EP400: variants seen among roughly 807,000 people sequenced by gnomAD.
EP400 encodes E1A binding protein p400, also known as E1A-binding protein p400.
In EP400, 105 loss-of-function variants were observed where a neutral mutation model predicts 354.1. The ratio of observed to expected loss-of-function variants is 0.30; its 90% confidence interval spans 0.25 to 0.35. The LOEUF (loss-of-function observed/expected upper bound fraction) is 0.35, where lower values mean the gene tolerates loss of function less well. Ranked by LOEUF, EP400 falls within the 10% of genes least tolerant of loss-of-function variation. The pLI, the probability that EP400 is intolerant of heterozygous loss-of-function variation, is 1.00. For synonymous variants in EP400, 1,646 were observed against 1,716.9 expected (o/e 0.96, Z 1.02); for missense variants, 3,280 against 4,121.0 (o/e 0.80, Z 5.59).
chr12:131,958,327 TG>T (rs1891771765), intron 1 of EP400, among the ~76,000 whole-genome samples: 1 of 152,214 alleles, frequency 6.6e-6, no homozygotes, highest in Non-Finnish European at 1.5e-5. Context: ...TCTGTGGCCT[TG>T]CTCTTCCCTT....
chr12:132,020,240 G>A (rs749656776), intron 22 of EP400, 22 bp downstream of exon 22: 76 of 1,573,460 alleles, frequency 4.8e-5, no homozygotes, highest in Non-Finnish European at 6.4e-5. Flanking sequence ...GTAGTTGTCT[G>A]CTCTCCGCCT....
intron 2 of EP400, among the ~76,000 whole-genome samples, chr12:131,966,651 C>T (rs1012728433): frequency 2.7e-5 from 4 of 150,846 alleles, no homozygotes; most frequent in Non-Finnish European, 4.4e-5. Context: ...TGCCTGTAAT[C>T]CCAGCACTTT....
intron 12 of EP400, among the ~76,000 whole-genome samples, chr12:131,998,876 A>G (rs982995549): frequency 6.3e-5 from 7 of 110,652 alleles, no homozygotes; most frequent in Non-Finnish European, 5.9e-5. Flanking sequence ...CTTGTATACA[A>G]AGACTTTGTA....
Position 132,044,301 on chromosome 12 carries a change from C to T in EP400, c.6575C>T (p.Ala2192Val), listed in dbSNP as rs1895012083. The change falls in exon 35 of 53, where the codon GCC becomes GTC. Residue 2192 changes from alanine to valine, a missense_variant. Physicochemically the swap from Ala to Val is moderately conservative, Grantham distance 64 (BLOSUM62 0). Transcript: ENST00000389561. ...CTCCTGACCTACACGCGAGAGGATG[C>T]CTACAGCATGGTACCCGGCCCGGGG... is the stretch of plus-strand genomic sequence containing the variant. The part of the protein sequence containing the change: ...AELLTYTRED[A>V]YSMEYVYEDV... 2 of 1,613,366 alleles carry T rather than the reference C, an allele frequency of 1.2e-6. No individual in the cohort carries two copies. Among genetic ancestry groups the T allele is most frequent in the African/African-American group, 2.7e-5 (2 of 74,928 alleles).
rs772703871 is a variant in EP400, at chr12:132,055,114, A to G, written c.7790A>G (p.Asn2597Ser). The G allele has an allele frequency of 9.3e-6, 15 of 1,613,710 alleles. 1 individual carries two copies. The South Asian group carries it at 1.2e-4, about 13-fold the overall frequency. The change falls in exon 45 of 53, where the codon AAT becomes AGT. Residue 2597 changes from asparagine to serine, a missense_variant. This residue lies in a region of EP400 where 255 missense variants were observed against 295.9 expected (regional missense o/e 0.86). Transcript: ENST00000389561. The stretch of plus-strand genomic sequence containing the variant: ...GTCTCCGCAGGTGCCGTGAGTGGAA[A>G]TGTGATCGTGAACACCATCGCAGGG... Reference protein sequence around the residue: ...TSMPTGAVSGNVIVNTIAGVP... With the variant: ...TSMPTGAVSGSVIVNTIAGVP...
Position 132,067,124 on chromosome 12 carries a change from T to G in EP400, c.8749+155T>G, listed in dbSNP as rs112752662. ...CTAGCACAAACGTGCCTTGGCGCTT[T>G]CCAGGCGCAAGGCTGGGTCCTCAAT... is the stretch of plus-strand genomic sequence containing the variant. On this transcript the variant is annotated intron_variant, in intron 49 of 52. Transcript: ENST00000389561. This position sits in a 1 kb window ranked among gnomAD's most constrained non-coding sequence, Gnocchi z 5.3. 2.6e-6 allele frequency: 3 copies of G among 1,167,016 alleles called. No individual in the cohort carries two copies. The highest frequency in any genetic ancestry group is 3.1e-5 in the African/African-American group (2 of 64,134). The allele number at this position is 1,167,016 out of a possible 1,614,324, so 72.3% of individuals were successfully genotyped here. A position where few individuals can be genotyped will look rare whatever the true frequency, so the allele number is the denominator to read the frequency against.
Position 131,989,982 on chromosome 12 carries a change from C to T in EP400, c.2428C>T (p.Arg810Cys), listed in dbSNP as rs773202917. ...AAKKLVRTVV[R>C]HHEEKQLREE... ...TCACCAGCTCGTTAGAACTGTGGTG[C>T]GCCATCACGAGGAGAAGCAGCTCCG... is the stretch of plus-strand genomic sequence containing the variant. Residue 810 changes from arginine (R) to cysteine (C), a missense_variant, in exon 8 of 53, where the codon CGC becomes TGC. Physicochemically the swap from Arg to Cys is radical, Grantham distance 180. This residue lies in a region of EP400 where 800 missense variants were observed against 840.0 expected (regional missense o/e 0.95). Coordinates refer to ENST00000389561, the MANE Select transcript of EP400 (RefSeq NM_015409.5). 7.4e-6 allele frequency: 12 copies of T among 1,613,760 alleles called. No individual in the cohort carries two copies. The highest frequency in any genetic ancestry group is 1.0e-5 in the Non-Finnish European group (12 of 1,179,932).
intron 30 of EP400, among the ~76,000 whole-genome samples, chr12:132,032,402 T>C (rs1894543693): frequency 6.6e-6 from 1 of 152,266 alleles, no homozygotes; most frequent in Admixed American, 6.5e-5. Flanking sequence ...CTTTTATTTA[T>C]ACTCAACATT....
In EP400 at chr12:131,990,580, C is replaced by T. The variant is rs187673273; in HGVS notation, c.2551-56C>T. The T allele has an allele frequency of 2.4e-5, 31 of 1,300,942 alleles. No individual in the cohort carries two copies. The highest frequency in any genetic ancestry group is 3.0e-5 in the Non-Finnish European group (27 of 914,924). 80.6% of individuals were successfully genotyped at this position (1,300,942 alleles called of 1,614,324 possible). ...GTGCTTTAGTGTTTTGTATGCAGAA[C>T]GTCTGTAATTCCCATCCTTAGTAAT... On this transcript the variant is annotated intron_variant, in intron 8 of 52. Transcript: ENST00000389561. This position sits in a 1 kb window ranked among gnomAD's most constrained non-coding sequence, Gnocchi z 4.2.
chr12:132,005,312 GTATCTT>G lies in EP400; in HGVS notation c.2935+132_2935+137del, dbSNP rs1326882248. The G allele has an allele frequency of 4.6e-5, 28 of 604,654 alleles. No individual in the cohort carries two copies. The Middle Eastern group carries it at 1.4e-3, about 31-fold the overall frequency. 37.5% of individuals were successfully genotyped at this position (604,654 alleles called of 1,614,324 possible). A position where few individuals can be genotyped will look rare whatever the true frequency, so the allele number is the denominator to read the frequency against. On this transcript the variant is annotated intron_variant, in intron 13 of 52. Transcript: ENST00000389561. ...ATAAAAAATTAGAAATATTTAATAA[GTATCTT>G]TATATTGAATAGAATTTTATTAAAT...
rs1895024198 is a variant in EP400 at position 132,044,667 on chromosome 12, A to G, written c.6586-4A>G. ...GAAGTCAGAGCTTGCCGTGTTCCCT[A>G]CAGGAGTATGTCTACGAAGATGTCG... On this transcript the variant is annotated splice_polypyrimidine_tract_variant and splice_region_variant and intron_variant, in intron 35 of 52. Transcript: ENST00000389561. 1.2e-6 allele frequency: 2 copies of G among 1,614,190 alleles called. No homozygotes were observed. The highest frequency in any genetic ancestry group is 1.7e-6 in the Non-Finnish European group (2 of 1,180,040).
At position 132,050,839 on chromosome 12, in the gene EP400, G is replaced by C; in HGVS notation, c.7394+184G>C. 1 of 674,296 alleles carries C rather than the reference G, an allele frequency of 1.5e-6. No homozygotes were observed. 41.8% of individuals were successfully genotyped at this position (674,296 alleles called of 1,614,324 possible). On this transcript the variant is annotated intron_variant, in intron 41 of 52. Transcript: ENST00000389561. This position sits in a 1 kb window ranked among gnomAD's most constrained non-coding sequence, Gnocchi z 4.8. ...CTGCCGTGGGCTAGGGTATGCATAG[G>C]ACGGCCCCTGCCCTGTCTCTGTGTT...
intron 1 of EP400, among the ~76,000 whole-genome samples, chr12:131,956,635 C>T (rs980960853): frequency 9.9e-5 from 15 of 152,060 alleles, no homozygotes; most frequent in African/African-American, 1.4e-4. Context: ...TCCTACAGGG[C>T]GTTTTTTGGG....
intron 5 of EP400, 99 bp from the exon 6 acceptor site, chr12:131,986,415 G>A (rs945543556): frequency 8.2e-7 from 1 of 1,214,582 alleles, no homozygotes. Flanking sequence ...GGTGCTGGCA[G>A]TGCGCGTCTC....
rs746859425 is a variant in EP400, at chr12:132,020,134, C to T, written c.4363C>T (p.Pro1455Ser). ...PSTHPPRTAA[P>S]TTASAAPQGP... Reference sequence around the variant, plus strand: ...CACTCACCCGCCCCGGACGGCAGCCCCCACCACGGCCTCTGCTGCTCCACA... The same window carrying T: ...CACTCACCCGCCCCGGACGGCAGCCTCCACCACGGCCTCTGCTGCTCCACA... Residue 1455 changes from proline (P) to serine (S), a missense_variant, in exon 22 of 53, where the codon CCC (proline) becomes TCC (serine). By Grantham distance (74) the Pro-to-Ser change is moderately conservative. Transcript: ENST00000389561. 4 of 1,611,944 alleles carry T rather than the reference C, an allele frequency of 2.5e-6. No individual in the cohort carries two copies. The highest frequency in any genetic ancestry group is 2.2e-5 in the South Asian group (2 of 90,434).
rs746796696 is a variant in EP400, at chr12:132,030,197, G to A, written c.5754+39G>A. The A allele has an allele frequency of 2.1e-5, 33 of 1,608,960 alleles. 1 individual carries two copies. The East Asian group carries it at 6.2e-4, about 30-fold the overall frequency. ...TGTTTACATTGTCTCTGATGGGTCA[G>A]TCACTGGTGTTGAATGCCTAAGTGC... is the stretch of plus-strand genomic sequence containing the variant. On this transcript the variant is annotated intron_variant, in intron 29 of 52. Transcript: ENST00000389561.
intron 30 of EP400, among the ~76,000 whole-genome samples, chr12:132,035,957 G>A (rs1259259502): frequency 7.7e-6 from 1 of 129,386 alleles, no homozygotes; most frequent in East Asian, 2.5e-4. Context: ...CACACACACA[G>A]CATCGTGGAA....
rs775595127 is a variant in EP400, at chr12:132,077,484, C to T, written c.9183C>T (p.Ala3061=). Residue 3061 remains alanine, a synonymous_variant, in exon 53 of 53, where the codon GCC becomes GCT. Coordinates refer to ENST00000389561, the MANE Select transcript of EP400 (RefSeq NM_015409.5). Reference sequence around the variant, plus strand: ...TGATCCCTGCAGTGACCGCGACTGCCCAGGTGGTTCAGCAGAAACTCATTC... The same window carrying T: ...TGATCCCTGCAGTGACCGCGACTGCTCAGGTGGTTCAGCAGAAACTCATTC... ...VQMIPAVTAT[A]QVVQQKLIQQ... is the part of the protein sequence containing the mutation. The T allele has an allele frequency of 4.3e-6, 7 of 1,613,494 alleles. No homozygotes were observed. The Admixed American group carries it at 8.3e-5, about 19-fold the overall frequency.
intron 1 of EP400, among the ~76,000 whole-genome samples, chr12:131,950,626 T>G (rs1284550213): frequency 1.3e-5 from 2 of 152,196 alleles, no homozygotes; most frequent in Non-Finnish European, 2.9e-5. Context: ...TGCCCGGTCC[T>G]CCACGGCGGA....
Sources: gnomAD v4.1 joint callset for allele counts (sites outside exome capture counted in the v4.1 genomes callset) on GRCh38, gnomAD v4.1.1 for gene constraint, gnomAD v4.1.1 regional missense constraint, Gnocchi (gnomAD v3.1) non-coding constraint, MANE v1.5 for transcripts, NCBI Gene and HGNC (gene_info 2026-07-23, HGNC 2026-07-21) for gene names.